The following ADAM12 variants were observed in gnomAD, a reference collection of about 807,000 sequenced individuals.
ADAM12 encodes the protein ADAM metallopeptidase domain 12, also known as disintegrin and metalloproteinase domain-containing protein 12.
In ADAM12, 70 loss-of-function variants were observed where a neutral mutation model predicts 106.4. The observed-to-expected ratio is 0.66, with a 90% CI of 0.54 to 0.80. The LOEUF is 0.80. Among genes scored for constraint, ADAM12 ranks in the 30% least tolerant of loss-of-function variants. The pLI, the probability that ADAM12 is intolerant of heterozygous loss-of-function variation, is 0.00. For missense variants in ADAM12, 1,010 were observed against 1,171.9 expected, an observed-to-expected ratio of 0.86 and a Z score of 2.02; for synonymous variants, 420 against 433.5, an observed-to-expected ratio of 0.97 and a Z score of 0.39.
At chr10:126,144,294 C>A (rs138673474) in intron 4 of ADAM12, among the ~76,000 whole-genome samples, 1 of 152,144 alleles carries the variant, frequency 6.6e-6, no homozygotes. Context: ...TATAATGGGA[C>A]GGGCACTTAG....
At chr10:126,224,369 C>T (rs1958152019) in intron 3 of ADAM12, among the ~76,000 whole-genome samples, 1 of 152,218 alleles carries the variant, frequency 6.6e-6, no homozygotes, top group African/African-American at 2.4e-5. Flanking sequence ...TCTCCTTCCA[C>T]CAGGGCCCTG....
intron 3 of ADAM12, among the ~76,000 whole-genome samples, chr10:126,191,190 T>C (rs1048628522): frequency 6.6e-6 from 1 of 151,642 alleles, no homozygotes; most frequent in African/African-American, 2.4e-5. Context: ...TTAGTAGAGA[T>C]GGAGTTTTGC....
At chr10:126,121,156 C>CTA (rs1261971447) in intron 5 of ADAM12, among the ~76,000 whole-genome samples, 7 of 31,600 alleles carry the variant, frequency 2.2e-4, no homozygotes, top group South Asian at 7.4e-4. Context: ...ACTATATATA[C>CTA]TATATATACT....
At chr10:126,141,981 G>C (rs1320327558) in intron 4 of ADAM12, among the ~76,000 whole-genome samples, 1 of 152,156 alleles carries the variant, frequency 6.6e-6, no homozygotes, top group African/African-American at 2.4e-5. Flanking sequence ...TGAATAGATG[G>C]GGAAACCAAG....
intron 1 of ADAM12, among the ~76,000 whole-genome samples, chr10:126,365,916 G>A (rs1267388450): frequency 6.6e-6 from 1 of 152,104 alleles, no homozygotes; most frequent in Non-Finnish European, 1.5e-5. Context: ...GTGCAATCCT[G>A]CTTACATTTA....
intron 4 of ADAM12, among the ~76,000 whole-genome samples, chr10:126,138,587 G>C (rs1956450113): frequency 6.6e-6 from 1 of 152,134 alleles, no homozygotes; most frequent in South Asian, 2.1e-4. Flanking sequence ...TATTGGCCAG[G>C]CTGGTCTTGA....
At chr10:126,160,060 G>A (rs1393232108) in intron 3 of ADAM12, among the ~76,000 whole-genome samples, 1 of 152,164 alleles carries the variant, frequency 6.6e-6, no homozygotes, top group African/African-American at 2.4e-5. Flanking sequence ...TTGATTTACA[G>A]ATAAGATGCA....
At chr10:126,357,125 C>A (rs1312660906) in intron 1 of ADAM12, among the ~76,000 whole-genome samples, 2 of 152,160 alleles carry the variant, frequency 1.3e-5, no homozygotes, top group African/African-American at 2.4e-5. Context: ...AGTTTCCAAT[C>A]AAATTCAACC....
chr10:126,260,621 T>C lies in ADAM12; in HGVS notation c.260+18294A>G, dbSNP rs571639846. 2.0e-5 allele frequency among the ~76,000 whole-genome samples: 3 copies of C among 152,298 alleles called. No homozygotes were observed. The East Asian group carries it at 5.8e-4, about 29-fold the overall frequency. ...GCCAGTTAATTGTTCAGATAACTTG[T>C]CAGGCTGTGAAGAAGGTAATGTGAA... On this transcript the variant is annotated intron_variant, in intron 3 of 22. Transcript: ENST00000448723.
chr10:126,117,026 A>G lies in ADAM12; in HGVS notation c.603+1012T>C, dbSNP rs757202359. The stretch of plus-strand genomic sequence containing the variant: ...GAAATGTTCTCGGACAGTCAAATAT[A>G]AGCACAAGCGACATCCTATCTATAA... On this transcript the variant is annotated intron_variant, in intron 6 of 22. Coordinates refer to ENST00000448723, the MANE Select transcript of ADAM12 (RefSeq NM_001288973.2). Among the ~76,000 whole-genome samples the G allele has an allele frequency of 2.2e-4, 33 of 152,342 alleles. 1 individual carries two copies. The highest frequency in any genetic ancestry group is 1.4e-3 in the Admixed American group (21 of 15,300).
In ADAM12 at chr10:126,015,591, T is replaced by C. The variant is rs1026927967; in HGVS notation, c.*1688A>G. The C allele has an allele frequency of 3.9e-5, 6 of 152,214 alleles. No individual in the cohort carries two copies. The highest frequency in any genetic ancestry group is 4.4e-5 in the Non-Finnish European group (3 of 68,042). 9.4% of individuals were successfully genotyped at this position (152,214 alleles called of 1,614,324 possible). ...GTGTGTTTGTGTCACGTGTTTAGTT[T>C]ATCCATAGTCATGAATACTATGTTG... On this transcript the variant is annotated 3_prime_UTR_variant, in exon 23 of 23. Coordinates refer to ENST00000448723, the MANE Select transcript of ADAM12 (RefSeq NM_001288973.2).
At chr10:126,339,264 T>C (rs1307471067) in intron 1 of ADAM12, among the ~76,000 whole-genome samples, 1 of 152,220 alleles carries the variant, frequency 6.6e-6, no homozygotes, top group Non-Finnish European at 1.5e-5. Flanking sequence ...CAGGACATGT[T>C]AATTTCAATG....
chr10:126,203,595 C>T (rs1400171824), intron 3 of ADAM12, among the ~76,000 whole-genome samples: 2 of 152,192 alleles, frequency 1.3e-5, no homozygotes, highest in African/African-American at 4.8e-5. Context: ...TACCATTTTA[C>T]TGAAGAGCTG....
chr10:126,134,420 T>A (rs1278328), intron 5 of ADAM12, among the ~76,000 whole-genome samples: 1,740 of 152,320 alleles, frequency 0.011, 30 homozygotes, highest in East Asian at 0.038. Flanking sequence ...TGTGTTTACA[T>A]GCACAAGGGA....
At chr10:126,085,534 A>C (rs1017667981) in intron 11 of ADAM12, among the ~76,000 whole-genome samples, 1 of 143,718 alleles carries the variant, frequency 7.0e-6, no homozygotes, top group Admixed American at 6.8e-5. Flanking sequence ...TTATCTGTCC[A>C]TTTCTATCTA....
chr10:126,351,499 G>A (rs1377003965), intron 1 of ADAM12, among the ~76,000 whole-genome samples: 1 of 152,160 alleles, frequency 6.6e-6, no homozygotes, highest in East Asian at 1.9e-4. Flanking sequence ...CCCATGCATG[G>A]CATGTGCTTA....
chr10:126,374,958 A>G (rs1228187568), intron 1 of ADAM12, among the ~76,000 whole-genome samples: 1 of 152,148 alleles, frequency 6.6e-6, no homozygotes, highest in Non-Finnish European at 1.5e-5. Flanking sequence ...ACTACCTTAA[A>G]AGTAACCAGA....
At chr10:126,158,358 T>G (rs1956860262) in intron 3 of ADAM12, among the ~76,000 whole-genome samples, 2 of 23,700 alleles carry the variant, frequency 8.4e-5, no homozygotes, top group Non-Finnish European at 2.2e-4. Context: ...GCATGAGGGA[T>G]GCACAGAGCA....
chr10:126,270,498 G>A (rs1448375324), intron 3 of ADAM12, among the ~76,000 whole-genome samples: 7 of 152,180 alleles, frequency 4.6e-5, no homozygotes, highest in Non-Finnish European at 2.9e-5. Context: ...GCTAGTTTGA[G>A]CAAGGAACTA....
Sources: allele counts gnomAD v4.1 joint callset (sites outside exome capture counted in the v4.1 genomes callset), GRCh38; gene constraint gnomAD v4.1.1; transcripts MANE v1.5; gene names NCBI Gene and HGNC (gene_info 2026-07-23, HGNC 2026-07-21).